ANXA8: variants seen among roughly 807,000 people sequenced by gnomAD.
The protein encoded by ANXA8 is VAC-beta.
In ANXA8, 9 loss-of-function variants were observed where a neutral mutation model predicts 26.8. The ratio of observed to expected loss-of-function variants is 0.34; its 90% CI spans 0.20 to 0.59. The LOEUF (loss-of-function observed/expected upper bound fraction) is 0.59, where lower values mean the gene tolerates loss of function less well. Among genes scored for constraint, ANXA8 ranks in the 20% least tolerant of loss-of-function variants. The probability of loss-of-function intolerance (pLI) is 0.84; values close to 1 mark genes in which losing one functional copy is unlikely to be tolerated. For missense variants in ANXA8, 83 were observed against 238.5 expected (o/e 0.35, Z 4.29); for synonymous variants, 39 against 94.8 (o/e 0.41, Z 3.42).
the ANXA8 span, chr10:47,730,354 A>C: frequency 1.7e-6 from 1 of 601,350 alleles, no homozygotes; most frequent in Non-Finnish European, 2.9e-6. Context: ...TTAGATGAAA[A>C]CAGCTATCCA....
chr10:47,591,194 A>G, the ANXA8 span, among the ~76,000 whole-genome samples: 2 of 145,628 alleles, frequency 1.4e-5, no homozygotes, highest in Non-Finnish European at 1.5e-5. Context: ...TGGGGCCTGA[A>G]TCACTTTCAG....
chr10:47,517,556 G>A, the ANXA8 span, among the ~76,000 whole-genome samples: 2 of 143,894 alleles, frequency 1.4e-5, no homozygotes, highest in Admixed American at 1.4e-4. Context: ...ACAGACGTTA[G>A]CCACCATGCC....
chr10:47,498,373 A>G, the ANXA8 span, among the ~76,000 whole-genome samples: 1 of 144,220 alleles, frequency 6.9e-6, no homozygotes, highest in Non-Finnish European at 1.5e-5. Flanking sequence ...TTGTATGTAT[A>G]TACCACATTT....
At chr10:47,742,838 A>G in the ANXA8 span, among the ~76,000 whole-genome samples, 5 of 137,852 alleles carry the variant, frequency 3.6e-5, no homozygotes, top group Admixed American at 3.0e-4. Context: ...AAAGATGTCA[A>G]TTCTCCCCTG....
chr10:47,495,449 C>T, the ANXA8 span, among the ~76,000 whole-genome samples: 8 of 149,952 alleles, frequency 5.3e-5, no homozygotes, highest in East Asian at 1.4e-3. Context: ...CCATGCCTTG[C>T]TAATTTTTGT....
At chr10:47,951,109 TA>T in the ANXA8 span, among the ~76,000 whole-genome samples, 1 of 149,826 alleles carries the variant, frequency 6.7e-6, no homozygotes, top group South Asian at 2.1e-4. Context: ...AAAGAGGGAA[TA>T]AAAATTACAG....
chr10:47,743,972 A>C, the ANXA8 span, among the ~76,000 whole-genome samples: 1 of 142,740 alleles, frequency 7.0e-6, no homozygotes, highest in African/African-American at 2.6e-5. Context: ...GTACTGCAGC[A>C]ATGGAGATGA....
chr10:47,631,234 A>G, the ANXA8 span, among the ~76,000 whole-genome samples: 6 of 151,392 alleles, frequency 4.0e-5, no homozygotes, highest in South Asian at 6.2e-4. Flanking sequence ...CGAGAAAGGT[A>G]GAACATGTAA....
At chr10:47,698,706 G>A in the ANXA8 span, among the ~76,000 whole-genome samples, 2 of 152,240 alleles carry the variant, frequency 1.3e-5, no homozygotes, top group African/African-American at 4.8e-5. Flanking sequence ...GCCAGGTGTA[G>A]TGGTGCACAC....
chr10:47,991,760 T>C, the ANXA8 span: 1 of 1,609,556 alleles, frequency 6.2e-7, no homozygotes, highest in African/African-American at 1.3e-5. Context: ...TGGCCTCTGC[T>C]GGGACTCCAC....
chr10:47,674,763 A>T, the ANXA8 span, among the ~76,000 whole-genome samples: 1 of 151,764 alleles, frequency 6.6e-6, no homozygotes, highest in African/African-American at 2.4e-5. Context: ...ACTTATGGAT[A>T]TTTTATACCT....
At chr10:47,626,789 C>T in the ANXA8 span, among the ~76,000 whole-genome samples, 2 of 150,124 alleles carry the variant, frequency 1.3e-5, no homozygotes, top group Non-Finnish European at 1.5e-5. Context: ...CTGTGACATG[C>T]GCAAAGGAAG....
the ANXA8 span, among the ~76,000 whole-genome samples, chr10:47,525,562 A>G: frequency 2.2e-5 from 3 of 136,264 alleles, no homozygotes; most frequent in Non-Finnish European, 3.1e-5. Context: ...TCATGATGAT[A>G]TTTGGGTGGG....
At chr10:47,663,539 C>G in the ANXA8 span, among the ~76,000 whole-genome samples, 4 of 131,750 alleles carry the variant, frequency 3.0e-5, no homozygotes, top group Non-Finnish European at 4.7e-5. Context: ...GTGCATGCCA[C>G]CATGCCCAGC....
chr10:47,733,221 C>CTCTCTTTCTTTCTT, the ANXA8 span, among the ~76,000 whole-genome samples: 2 of 58,254 alleles, frequency 3.4e-5, no homozygotes, highest in African/African-American at 6.5e-5. Context: ...TTCTTTCTTT[C>CTCTCTTTCTTTCTT]TCTTTCTTTC....
the ANXA8 span, among the ~76,000 whole-genome samples, chr10:47,672,824 A>G: frequency 6.6e-6 from 1 of 151,820 alleles, no homozygotes; most frequent in Non-Finnish European, 1.5e-5. Context: ...CTTCAGATGT[A>G]CAAAATTACA....
At chr10:47,502,958 G>A in the ANXA8 span, 1 of 1,586,818 alleles carries the variant, frequency 6.3e-7, no homozygotes, top group Non-Finnish European at 8.6e-7. Context: ...GAGGGGGGCG[G>A]GTTGAGCTTG....
chr10:47,698,069 T>C, the ANXA8 span, among the ~76,000 whole-genome samples: 1 of 151,142 alleles, frequency 6.6e-6, no homozygotes, highest in Non-Finnish European at 1.5e-5. Context: ...ATGATGTGGG[T>C]CTGGGGATCA....
upstream of ANXA8, chr10:47,487,166 A>G (rs1840063252): frequency 8.3e-7 from 1 of 1,211,770 alleles, no homozygotes; most frequent in African/African-American, 1.5e-5. Context: ...GTCAACAAGA[A>G]AATACTTTGC....
Sources: gnomAD v4.1 joint callset for allele counts (sites outside exome capture counted in the v4.1 genomes callset) on GRCh38, gnomAD v4.1.1 for gene constraint, MANE v1.5 for transcripts, NCBI Gene and HGNC (gene_info 2026-07-23, HGNC 2026-07-21) for gene names.